Variants in ALG9 observed in about 807,000 individuals in gnomAD.
The protein encoded by ALG9 is alpha-1,2-mannosyltransferase ALG9.
A neutral mutation model predicts 81.8 loss-of-function variants in ALG9; 55 were observed. The ratio of observed to expected loss-of-function variants is 0.67; its 90% CI spans 0.54 to 0.84. The LOEUF (loss-of-function observed/expected upper bound fraction) is 0.84, where lower values mean the gene tolerates loss of function less well. Ranked by LOEUF, ALG9 falls within the 40% of genes least tolerant of loss-of-function variation. The pLI, the probability that ALG9 is intolerant of heterozygous loss-of-function variation, is 0.00. For synonymous variants in ALG9, 278 were observed against 274.3 expected, an observed-to-expected ratio of 1.01 and a Z score of -0.13; for missense variants, 629 against 745.0, an observed-to-expected ratio of 0.84 and a Z score of 1.81.
At chr11:111,870,084 T>G in intron 2 of ALG9, 148 bp downstream of exon 2, 33 of 950,614 alleles carry the variant, frequency 3.5e-5, no homozygotes, top group Admixed American at 3.7e-5. Flanking sequence ...AGTGCTGGGA[T>G]TATAGGCCTG....
Position 111,836,207 on chromosome 11 carries a change from A to G in ALG9, c.1560T>C (p.Pro520=). Residue 520 remains proline, a synonymous_variant, in exon 13 of 15, where the codon CCT becomes CCC. Coordinates refer to ENST00000616540, the MANE Select transcript of ALG9 (RefSeq NM_024740.2). The part of the protein sequence containing the change: ...AEGPLATRIV[P]TDMNDQNLEE... Reference sequence around the variant, plus strand: ...CTAGATTCTGGTCATTCATGTCAGTAGGAACAATCCGGGTGGCCAGAGGTC... The same window carrying G: ...CTAGATTCTGGTCATTCATGTCAGTGGGAACAATCCGGGTGGCCAGAGGTC... 6.2e-7 allele frequency: 1 copy of G among 1,614,076 alleles called. No individual in the cohort carries two copies. Among genetic ancestry groups the G allele is most frequent in the Non-Finnish European group, 8.5e-7 (1 of 1,179,930 alleles).
chr11:111,816,601 A>G (rs1555097464), intron 13 of ALG9, among the ~76,000 whole-genome samples: 2 of 152,106 alleles, frequency 1.3e-5, no homozygotes, highest in African/African-American at 4.8e-5. Flanking sequence ...CTGTTGCCCA[A>G]GCTGGAGTGC....
chr11:111,825,983 T>C (rs1385317871), intron 13 of ALG9, among the ~76,000 whole-genome samples: 1 of 151,484 alleles, frequency 6.6e-6, no homozygotes, highest in Non-Finnish European at 1.5e-5. Context: ...GGAGAATCAC[T>C]TGAACCCAGG....
chr11:111,778,072 A>G (rs1945744838), downstream of ALG9: 1 of 152,222 alleles, frequency 6.6e-6, no homozygotes, highest in Non-Finnish European at 1.5e-5. Context: ...TTTAAAGCCA[A>G]ACAAAGCAGG....
chr11:111,792,591 A>G (rs530752405), intron 14 of ALG9, among the ~76,000 whole-genome samples: 6 of 152,354 alleles, frequency 3.9e-5, no homozygotes, highest in African/African-American at 1.4e-4. Context: ...ACTTAGCTAC[A>G]TCATGAGATC....
rs146190422 is a variant in ALG9, at chr11:111,821,143, C to T, written c.1603-11370G>A. Among the ~76,000 whole-genome samples the T allele has an allele frequency of 2.8e-3, 420 of 152,260 alleles. 2 individuals are homozygous for T. Among genetic ancestry groups the T allele is most frequent in the African/African-American group, 9.4e-3 (389 of 41,532 alleles). On this transcript the variant is annotated intron_variant, in intron 13 of 14. Transcript: ENST00000616540. ...GTAAAAAGAAATCCTATTGCATATG[C>T]TCTACATATTTGAAAATGGATTATC...
chr11:111,820,018 A>G (rs1365395603), intron 13 of ALG9, among the ~76,000 whole-genome samples: 3 of 152,218 alleles, frequency 2.0e-5, no homozygotes, highest in African/African-American at 7.2e-5. Context: ...AGGACAATCT[A>G]TTTCCTCCAT....
intron 10 of ALG9, among the ~76,000 whole-genome samples, chr11:111,840,099 C>G (rs1555122192): frequency 1.3e-5 from 2 of 152,058 alleles, no homozygotes; most frequent in African/African-American, 4.8e-5. Context: ...AATTATATCT[C>G]AAAAAACCTG....
chr11:111,814,207 CAT>C (rs1156521535), intron 13 of ALG9, among the ~76,000 whole-genome samples: 2 of 152,136 alleles, frequency 1.3e-5, no homozygotes, highest in Admixed American at 6.5e-5. Context: ...CAGGCAATAA[CAT>C]GTGTGATTAT....
chr11:111,861,855 C>A (rs1458431583), intron 4 of ALG9, among the ~76,000 whole-genome samples: 2 of 151,616 alleles, frequency 1.3e-5, no homozygotes, highest in African/African-American at 2.4e-5. Context: ...ACCTAATATA[C>A]AATTTTAGGA....
intron 5 of ALG9, among the ~76,000 whole-genome samples, chr11:111,860,248 A>G (rs1959593061): frequency 6.6e-6 from 1 of 152,240 alleles, no homozygotes; most frequent in Non-Finnish European, 1.5e-5. Flanking sequence ...TACCAGCTCT[A>G]CCATTTATGA....
intron 4 of ALG9, among the ~76,000 whole-genome samples, chr11:111,862,460 C>CT (rs1441443913): frequency 5.3e-5 from 8 of 151,768 alleles, no homozygotes; most frequent in Admixed American, 2.0e-4. Flanking sequence ...TTTCGAACTC[C>CT]TGACCTCAAG....
intron 13 of ALG9, among the ~76,000 whole-genome samples, chr11:111,810,711 A>G (rs782418077): frequency 2.0e-5 from 3 of 152,232 alleles, no homozygotes; most frequent in Non-Finnish European, 4.4e-5. Flanking sequence ...AGCCAAGATC[A>G]TGCCACTGCA....
the ALG9 span, among the ~76,000 whole-genome samples, chr11:111,776,190 AT>A: frequency 7.6e-3 from 1,151 of 151,794 alleles, 8 homozygotes; most frequent in Middle Eastern, 0.054. Flanking sequence ...ATAACAAAAA[AT>A]AAATAAAAAT....
chr11:111,844,533 C>G, intron 9 of ALG9, 68 bp downstream of exon 9: 1 of 1,604,166 alleles, frequency 6.2e-7, no homozygotes, highest in Non-Finnish European at 8.5e-7. Flanking sequence ...GATTTTCCTT[C>G]AGTTCTTGGT....
intron 13 of ALG9, among the ~76,000 whole-genome samples, chr11:111,813,432 T>G (rs1951026539): frequency 6.6e-6 from 1 of 152,054 alleles, no homozygotes; most frequent in Non-Finnish European, 1.5e-5. Context: ...TGAGATCCCA[T>G]CTCTACAAAA....
intron 14 of ALG9, 117 bp downstream of exon 14, chr11:111,809,526 A>G: frequency 8.0e-7 from 1 of 1,254,108 alleles, no homozygotes. Flanking sequence ...TTACACACAC[A>G]CACACACACA....
chr11:111,841,054 C>T (rs1956142396), intron 9 of ALG9, among the ~76,000 whole-genome samples: 1 of 152,070 alleles, frequency 6.6e-6, no homozygotes, highest in African/African-American at 2.4e-5. Flanking sequence ...TTGGTTAGGA[C>T]ACATATAAAT....
intron 4 of ALG9, among the ~76,000 whole-genome samples, chr11:111,864,817 G>A (rs1214279905): frequency 3.3e-5 from 5 of 150,442 alleles, no homozygotes; most frequent in Non-Finnish European, 5.9e-5. Context: ...TGCTCTTATC[G>A]CCCAGGCTGG....
Sources: allele counts gnomAD v4.1 joint callset (sites outside exome capture counted in the v4.1 genomes callset), GRCh38; gene constraint gnomAD v4.1.1; transcripts MANE v1.5; gene names NCBI Gene and HGNC (gene_info 2026-07-23, HGNC 2026-07-21).